Variants in SLC35F5 observed in about 807,000 individuals in gnomAD.
SLC35F5 encodes the protein solute carrier family 35 member F5, also known as HCV NS5A-transactivated protein 3.
Under a neutral mutation model 68.6 loss-of-function variants are expected in SLC35F5, and 54 were observed. That is an observed-to-expected ratio of 0.79 (90% CI 0.63 to 0.99). SLC35F5 has a LOEUF of 0.99. Ranked by LOEUF, SLC35F5 falls within the 50% of genes least tolerant of loss-of-function variation. The pLI is 0.00. For synonymous variants in SLC35F5, 211 were observed against 205.2 expected (o/e 1.03, Z -0.24); for missense variants, 567 against 626.9 (o/e 0.90, Z 1.02).
At chr2:113,743,576 C>A in intron 6 of SLC35F5, 137 bp downstream of exon 6, 1 of 576,456 alleles carries the variant, frequency 1.7e-6, no homozygotes, top group Non-Finnish European at 3.1e-6. Context: ...TCCAGTCAAA[C>A]TTCTAGAAGA....
rs937004293 is a variant in SLC35F5, at chr2:113,711,199, T to C, written c.*4019A>G. 1.3e-5 allele frequency among the ~76,000 whole-genome samples: 2 copies of C among 152,338 alleles called. No homozygotes were observed. The highest frequency in any genetic ancestry group is 2.9e-5 in the Non-Finnish European group (2 of 68,020). ...TCACCCCAGATTCAAAATGCTGTTA[T>C]TGGAAATGTTACCATTTCACATGAA... On this transcript the variant is annotated 3_prime_UTR_variant, in exon 16 of 16. Coordinates refer to ENST00000245680, the MANE Select transcript of SLC35F5 (RefSeq NM_025181.5).
chr2:113,704,393 G>A (rs1177164221), downstream of SLC35F5, among the ~76,000 whole-genome samples: 1 of 152,240 alleles, frequency 6.6e-6, no homozygotes, highest in Admixed American at 6.5e-5. Context: ...CACAGGTGGA[G>A]CTGCCCGCCA....
In SLC35F5 at chr2:113,708,642, G is replaced by A. The variant is rs1396452124; in HGVS notation, c.*6576C>T. Among the ~76,000 whole-genome samples, 1 of 152,116 alleles carries A rather than the reference G, an allele frequency of 6.6e-6. No individual in the cohort carries two copies. Among genetic ancestry groups the A allele is most frequent in the African/African-American group, 2.4e-5 (1 of 41,420 alleles). On this transcript the variant is annotated 3_prime_UTR_variant, in exon 16 of 16. Transcript: ENST00000245680. ...AATCACTTGAACCCAGGAGGCAGAGGTTAGAGTGAGCCGAGATCGTGCCAC... is the reference window on the plus strand; with the variant it reads ...AATCACTTGAACCCAGGAGGCAGAGATTAGAGTGAGCCGAGATCGTGCCAC...
intron 9 of SLC35F5, chr2:113,733,331 G>T: frequency 3.3e-6 from 1 of 303,716 alleles, no homozygotes; most frequent in Non-Finnish European, 6.8e-6. Flanking sequence ...CTACTTTAAT[G>T]AGAAGAAGTA....
intron 7 of SLC35F5, among the ~76,000 whole-genome samples, 161 bp from the exon 8 acceptor site, chr2:113,736,019 C>G (rs1254014124): frequency 6.6e-6 from 1 of 151,558 alleles, no homozygotes; most frequent in Non-Finnish European, 1.5e-5. Context: ...CCAAAAAAGA[C>G]AAACATTTAT....
chr2:113,723,042 T>G (rs1574220960), intron 13 of SLC35F5, 62 bp downstream of exon 13: 3 of 1,145,578 alleles, frequency 2.6e-6, no homozygotes, highest in Non-Finnish European at 2.4e-6. Context: ...CATCTCAACT[T>G]TCATTAGGTT....
intron 7 of SLC35F5, chr2:113,742,309 A>G (rs1240106631): frequency 8.9e-6 from 2 of 224,250 alleles, no homozygotes; most frequent in African/African-American, 4.5e-5. Flanking sequence ...AAAAAAATCA[A>G]TGCATACAGT....
At chr2:113,742,935 C>G (rs1676343783) in intron 6 of SLC35F5, 56 bp from the exon 7 acceptor site, 2 of 1,518,104 alleles carry the variant, frequency 1.3e-6, no homozygotes, top group Admixed American at 1.8e-5. Flanking sequence ...CAACAAAAGT[C>G]ACAAGTTTTA....
At chr2:113,753,621 T>A (rs945628940) in intron 3 of SLC35F5, among the ~76,000 whole-genome samples, 3 of 152,204 alleles carry the variant, frequency 2.0e-5, no homozygotes, top group Admixed American at 6.5e-5. Context: ...TCCTCCAGTT[T>A]CATCAAAGTA....
chr2:113,727,486 T>G (rs1687707647), intron 11 of SLC35F5, among the ~76,000 whole-genome samples: 1 of 152,216 alleles, frequency 6.6e-6, no homozygotes, highest in Middle Eastern at 3.2e-3. Context: ...TTCTAGTCCC[T>G]GAAGTGCTGA....
intron 7 of SLC35F5, among the ~76,000 whole-genome samples, chr2:113,737,528 T>G (rs1028846321): frequency 6.6e-6 from 1 of 152,230 alleles, no homozygotes; most frequent in African/African-American, 2.4e-5. Flanking sequence ...TGTCAAAGAT[T>G]TTCTCCATGA....
chr2:113,742,660 C>T (rs1224553358), intron 7 of SLC35F5, 32 bp downstream of exon 7: 3 of 1,604,438 alleles, frequency 1.9e-6, no homozygotes, highest in Non-Finnish European at 2.6e-6. Flanking sequence ...AAGTTTCAAA[C>T]ATCATATGCA....
At chr2:113,721,660 C>T (rs962477420) in intron 13 of SLC35F5, among the ~76,000 whole-genome samples, 4 of 151,980 alleles carry the variant, frequency 2.6e-5, no homozygotes, top group African/African-American at 9.7e-5. Flanking sequence ...ACAAGTAGCA[C>T]CTTCCCAGTT....
Position 113,741,500 on chromosome 2 carries a change from G to A in SLC35F5, c.750+1192C>T, listed in dbSNP as rs190469372. 1.6e-3 allele frequency among the ~76,000 whole-genome samples: 239 copies of A among 152,094 alleles called. 1 individual carries two copies. Among genetic ancestry groups the A allele is most frequent in the African/African-American group, 5.5e-3 (229 of 41,490 alleles). On this transcript the variant is annotated intron_variant, in intron 7 of 15. Coordinates refer to ENST00000245680, the MANE Select transcript of SLC35F5 (RefSeq NM_025181.5). ...GGGAATCACCTGAGGTCAGAAGTTC[G>A]AGACCAGCATGACCAACATGGAGAA...
chr2:113,751,996 G>C (rs1676764103), intron 3 of SLC35F5, among the ~76,000 whole-genome samples: 1 of 152,118 alleles, frequency 6.6e-6, no homozygotes, highest in South Asian at 2.1e-4. Context: ...TGGATCACTT[G>C]AGGTCAGGAG....
intron 14 of SLC35F5, among the ~76,000 whole-genome samples, chr2:113,718,724 G>A (rs1343991491): frequency 6.6e-6 from 1 of 151,956 alleles, no homozygotes; most frequent in Non-Finnish European, 1.5e-5. Flanking sequence ...GAACCCAGGA[G>A]GCAGAGGTTG....
chr2:113,743,758 G>A lies in SLC35F5; in HGVS notation c.517C>T (p.Leu173Phe). 3.7e-6 allele frequency: 6 copies of A among 1,611,258 alleles called. No homozygotes were observed. The highest frequency in any genetic ancestry group is 5.1e-6 in the Non-Finnish European group (6 of 1,178,598). ...PLYVPVKFHD[L>F]PSEKPESTNI... is the part of the protein sequence containing the mutation. ...GTGCTCTCAGGTTTTTCACTTGGAA[G>A]ATCATGGAATTTCACAGGCACATAC... is the stretch of plus-strand genomic sequence containing the variant. Residue 173 changes from leucine (L) to phenylalanine (F), a missense_variant, in exon 6 of 16, where the codon CTT becomes TTT. By Grantham distance (22) the Leu-to-Phe change is conservative. Coordinates refer to ENST00000245680, the MANE Select transcript of SLC35F5 (RefSeq NM_025181.5).
intron 11 of SLC35F5, among the ~76,000 whole-genome samples, chr2:113,727,023 C>T (rs1413570735): frequency 6.6e-6 from 1 of 152,202 alleles, no homozygotes; most frequent in Admixed American, 6.5e-5. Context: ...CTTGTAATCC[C>T]CACGTGTCAG....
At chr2:113,734,728 T>C in intron 8 of SLC35F5, 55 bp from the exon 9 acceptor site, 1 of 1,032,180 alleles carries the variant, frequency 9.7e-7, no homozygotes, top group South Asian at 1.5e-5. Flanking sequence ...CTGTCAACAT[T>C]TTTACTACCA....
Sources: allele counts gnomAD v4.1 joint callset (sites outside exome capture counted in the v4.1 genomes callset), GRCh38; gene constraint gnomAD v4.1.1; transcripts MANE v1.5; gene names NCBI Gene and HGNC (gene_info 2026-07-23, HGNC 2026-07-21).